GRM5: variants seen among roughly 807,000 people sequenced by gnomAD.
GRM5 encodes the protein glutamate metabotropic receptor 5.
A neutral mutation model predicts 83.1 loss-of-function variants in GRM5; 19 were observed. The ratio of observed to expected loss-of-function variants is 0.23; its 90% CI spans 0.16 to 0.34. GRM5 has a LOEUF of 0.34. GRM5 is among the 10% of genes least tolerant of loss of function. The pLI is 1.00. For missense variants in GRM5, 1,160 were observed against 1,588.3 expected, an observed-to-expected ratio of 0.73 and a Z score of 4.58; for synonymous variants, 675 against 633.6, an observed-to-expected ratio of 1.07 and a Z score of -0.98.
chr11:88,555,379 A>T (rs1239122551), intron 8 of GRM5, among the ~76,000 whole-genome samples: 1 of 152,146 alleles, frequency 6.6e-6, no homozygotes, highest in Non-Finnish European at 1.5e-5. Context: ...CACATGGAAA[A>T]GAGTCTCACG....
Position 88,508,549 on chromosome 11 carries a change from G to A in GRM5, c.*43C>T. ...CATTGTGTGTGTGTGAACACGGGGG[G>A]CTCCGCTCCGCACGCGCAGGCCGGC... On this transcript the variant is annotated 3_prime_UTR_variant, in exon 10 of 10. Transcript: ENST00000305447. The surrounding 1 kb of genome is among the most constrained non-coding windows in gnomAD (Gnocchi z 4.2). 1.3e-6 allele frequency: 2 copies of A among 1,518,886 alleles called. No homozygotes were observed. The highest frequency in any genetic ancestry group is 1.8e-6 in the Non-Finnish European group (2 of 1,101,164). 94.1% of individuals were successfully genotyped at this position (1,518,886 alleles called of 1,614,324 possible).
At chr11:89,026,207 G>C (rs1444026691) in intron 2 of GRM5, among the ~76,000 whole-genome samples, 1 of 152,036 alleles carries the variant, frequency 6.6e-6, no homozygotes, top group African/African-American at 2.4e-5. Context: ...CTACTCACTG[G>C]GTACTATGCA....
intron 2 of GRM5, among the ~76,000 whole-genome samples, chr11:88,933,755 A>C (rs1331447464): frequency 6.6e-6 from 1 of 151,862 alleles, no homozygotes; most frequent in African/African-American, 2.4e-5. Context: ...AATGTTACTT[A>C]ATTCATTCAT....
intron 3 of GRM5, among the ~76,000 whole-genome samples, chr11:88,779,370 C>A (rs1499172): frequency 0.53 from 80,046 of 151,948 alleles, 23,803 homozygotes; most frequent in Non-Finnish European, 0.7. Context: ...AAGAATCTCT[C>A]ATATTTTTTT....
intron 8 of GRM5, among the ~76,000 whole-genome samples, chr11:88,563,760 C>T (rs1942810156): frequency 6.6e-6 from 1 of 152,110 alleles, no homozygotes; most frequent in Admixed American, 6.6e-5. Flanking sequence ...TTAGAAATAC[C>T]TGAATTTATT....
chr11:88,988,794 A>G (rs867358367), intron 2 of GRM5, among the ~76,000 whole-genome samples: 435 of 146,966 alleles, frequency 3.0e-3, no homozygotes, highest in Middle Eastern at 6.9e-3. Flanking sequence ...AAAATCCTTT[A>G]CAGACAAGCA....
intron 2 of GRM5, among the ~76,000 whole-genome samples, chr11:88,986,363 G>A (rs1939710046): frequency 1.3e-5 from 2 of 152,172 alleles, no homozygotes; most frequent in African/African-American, 4.8e-5. Context: ...AGGAAGTGGT[G>A]TGGCTATAAA....
rs866482628 is a variant in GRM5 at position 89,006,858 on chromosome 11, C to T, written c.661+40354G>A. On this transcript the variant is annotated intron_variant, in intron 2 of 9. Transcript: ENST00000305447. ...TGTCACCCAGGCTGGAGTGCAGTGGCGCAATCTCGGCTCACTGCAAGCTCC... is the reference window on the plus strand; with the variant it reads ...TGTCACCCAGGCTGGAGTGCAGTGGTGCAATCTCGGCTCACTGCAAGCTCC... 2.7e-4 allele frequency among the ~76,000 whole-genome samples: 41 copies of T among 152,286 alleles called. 1 individual carries two copies. The highest frequency in any genetic ancestry group is 8.2e-4 in the African/African-American group (34 of 41,570).
intron 2 of GRM5, among the ~76,000 whole-genome samples, chr11:89,009,923 A>ACAAAAC (rs1565333918): frequency 2.1e-5 from 3 of 140,792 alleles, no homozygotes; most frequent in African/African-American, 8.1e-5. Flanking sequence ...AAAAAAAAAA[A>ACAAAAC]AAAAAAACAC....
intron 2 of GRM5, among the ~76,000 whole-genome samples, chr11:88,973,945 C>A (rs370079030): frequency 1.3e-5 from 2 of 151,882 alleles, no homozygotes; most frequent in Non-Finnish European, 2.9e-5. Context: ...AAAGCTATTG[C>A]CTGGATAACA....
intron 2 of GRM5, among the ~76,000 whole-genome samples, chr11:88,890,023 A>G (rs1174146846): frequency 6.6e-6 from 1 of 152,150 alleles, no homozygotes; most frequent in Admixed American, 6.6e-5. Flanking sequence ...TTTGATGTGT[A>G]ATAAGTAGGC....
At chr11:89,045,887 A>G (rs1437806097) in intron 2 of GRM5, among the ~76,000 whole-genome samples, 1 of 152,096 alleles carries the variant, frequency 6.6e-6, no homozygotes, top group African/African-American at 2.4e-5. Flanking sequence ...ATTTTCACCA[A>G]TTGTCAGTAT....
At chr11:88,696,576 G>T (rs1224420407) in intron 3 of GRM5, among the ~76,000 whole-genome samples, 1 of 152,178 alleles carries the variant, frequency 6.6e-6, no homozygotes, top group Non-Finnish European at 1.5e-5. Flanking sequence ...TCATCTGTAA[G>T]ATAATAATTG....
intron 2 of GRM5, among the ~76,000 whole-genome samples, chr11:89,041,683 T>A (rs1033090178): frequency 3.3e-5 from 5 of 152,240 alleles, no homozygotes; most frequent in African/African-American, 1.2e-4. Context: ...CTGTATTTTT[T>A]TCACTGCTAG....
intron 2 of GRM5, among the ~76,000 whole-genome samples, chr11:88,970,425 G>A (rs1939132803): frequency 6.6e-6 from 1 of 152,090 alleles, no homozygotes. Flanking sequence ...TCTTTGTCTG[G>A]AAATGGCACA....
At chr11:88,930,554 G>A (rs1054857226) in intron 2 of GRM5, among the ~76,000 whole-genome samples, 1 of 151,796 alleles carries the variant, frequency 6.6e-6, no homozygotes, top group Admixed American at 6.6e-5. Flanking sequence ...TGGGAGTTTC[G>A]CTCTTGTTGC....
intron 8 of GRM5, among the ~76,000 whole-genome samples, chr11:88,528,906 A>G (rs1007275249): frequency 2.6e-5 from 4 of 152,078 alleles, no homozygotes; most frequent in African/African-American, 9.7e-5. Flanking sequence ...ATGAGCAGGG[A>G]GCCCAAGGTT....
chr11:88,973,889 A>G (rs1353666481), intron 2 of GRM5, among the ~76,000 whole-genome samples: 1 of 152,164 alleles, frequency 6.6e-6, no homozygotes, highest in Non-Finnish European at 1.5e-5. Context: ...AAATTACCGA[A>G]TAATGCTTTT....
At chr11:88,938,358 G>A (rs1649636408) in intron 2 of GRM5, among the ~76,000 whole-genome samples, 1 of 151,458 alleles carries the variant, frequency 6.6e-6, no homozygotes, top group Admixed American at 6.6e-5. Flanking sequence ...TTAAATGGGA[G>A]AGACATCTTT....
Sources: allele counts gnomAD v4.1 joint callset (sites outside exome capture counted in the v4.1 genomes callset), GRCh38; gene constraint gnomAD v4.1.1; non-coding constraint Gnocchi (gnomAD v3.1); transcripts MANE v1.5; gene names NCBI Gene and HGNC (gene_info 2026-07-23, HGNC 2026-07-21).